The following GFOD1 variants were observed in gnomAD, a reference collection of about 807,000 sequenced individuals.
GFOD1 encodes the protein Gfo/Idh/MocA-like oxidoreductase domain containing 1.
A neutral mutation model predicts 25.4 loss-of-function variants in GFOD1; 9 were observed. The observed-to-expected ratio is 0.35, with a 90% confidence interval of 0.21 to 0.62. The LOEUF (loss-of-function observed/expected upper bound fraction) is 0.62. GFOD1 is among the 20% of genes least tolerant of loss of function. The probability of loss-of-function intolerance (pLI) is 0.72; values close to 1 mark genes in which losing one functional copy is unlikely to be tolerated. For synonymous variants in GFOD1, 253 were observed against 245.6 expected (o/e 1.03, Z -0.28); for missense variants, 403 against 556.9 (o/e 0.72, Z 2.78).
At chr6:13,423,690 C>T (rs114933631) in intron 1 of GFOD1, among the ~76,000 whole-genome samples, 3,222 of 152,200 alleles carry the variant, frequency 0.021, 123 homozygotes, top group African/African-American at 0.07. Flanking sequence ...CGGGGGTGGG[C>T]CCACTTTGAT....
At chr6:13,398,059 G>A (rs1419175355) in intron 1 of GFOD1, among the ~76,000 whole-genome samples, 1 of 152,164 alleles carries the variant, frequency 6.6e-6, no homozygotes, top group African/African-American at 2.4e-5. Flanking sequence ...CTGCCGCTGG[G>A]TTTGACTCCA....
intron 1 of GFOD1, among the ~76,000 whole-genome samples, chr6:13,387,417 C>T (rs540277257): frequency 3.9e-5 from 6 of 152,312 alleles, no homozygotes; most frequent in Non-Finnish European, 5.9e-5. Flanking sequence ...AGCTTATCCA[C>T]CATGATCAAG....
At chr6:13,381,653 G>T (rs567729775) in intron 1 of GFOD1, among the ~76,000 whole-genome samples, 35 of 152,334 alleles carry the variant, frequency 2.3e-4, no homozygotes, top group African/African-American at 7.5e-4. Flanking sequence ...TGTGGGAGAT[G>T]TCTAGATGTC....
chr6:13,367,088 A>T (rs1250410584), intron 1 of GFOD1, among the ~76,000 whole-genome samples: 1 of 152,034 alleles, frequency 6.6e-6, no homozygotes, highest in Non-Finnish European at 1.5e-5. Flanking sequence ...AAAATGTTTG[A>T]TATGTTGTAT....
rs5874418 is a variant in GFOD1, at chr6:13,458,757, CAA to C, written c.253+27879_253+27880del. Among the ~76,000 whole-genome samples the C allele has an allele frequency of 1.9e-3, 109 of 57,222 alleles. 1 individual carries two copies. In the East Asian group the frequency reaches 0.066, roughly 35 times the overall value. 37.5% of individuals were successfully genotyped at this position (57,222 alleles called of 152,430 possible). On this transcript the variant is annotated intron_variant, in intron 1 of 1. Transcript: ENST00000379287. ...CAAAAAGACTCCATTTCCCCTTGAG[CAA>C]AAAAAAAAAAAAAAAAAAAAAAAAA...
chr6:13,388,388 C>A (rs1562201488), intron 1 of GFOD1, among the ~76,000 whole-genome samples: 1 of 152,204 alleles, frequency 6.6e-6, no homozygotes, highest in Non-Finnish European at 1.5e-5. Flanking sequence ...GTAACCAAAA[C>A]AGCATGGTAT....
intron 1 of GFOD1, among the ~76,000 whole-genome samples, chr6:13,420,184 C>A (rs1188758976): frequency 1.3e-5 from 2 of 152,186 alleles, no homozygotes; most frequent in African/African-American, 4.8e-5. Context: ...TCGTGGAAAA[C>A]CCAAAGCCAG....
chr6:13,486,845 C>T lies in GFOD1; in HGVS notation c.46G>A (p.Val16Ile), dbSNP rs751477937. The T allele has an allele frequency of 1.2e-6, 2 of 1,613,330 alleles. No individual in the cohort carries two copies. The highest frequency in any genetic ancestry group is 1.1e-5 in the South Asian group (1 of 91,078). ...GVFGTSLTAR[V>I]IIPLLKDEGF... ...TCGTCTTTCAGCAGCGGGATGATGA[C>T]ACGGGCCGTGAGGCTGGTGCCGAAC... Residue 16 changes from valine (V) to isoleucine (I), a missense_variant, in exon 1 of 2, where the codon GTC (valine) becomes ATC (isoleucine). Physicochemically the swap from Val to Ile is conservative, Grantham distance 29 (BLOSUM62 3). Coordinates refer to ENST00000379287, the MANE Select transcript of GFOD1 (RefSeq NM_018988.4).
At chr6:13,395,100 C>G (rs1290223047) in intron 1 of GFOD1, among the ~76,000 whole-genome samples, 3 of 152,070 alleles carry the variant, frequency 2.0e-5, no homozygotes, top group Non-Finnish European at 2.9e-5. Context: ...TTTCTTTTTT[C>G]TCGTAGAGAC....
chr6:13,423,830 A>C (rs1164958203), intron 1 of GFOD1, among the ~76,000 whole-genome samples: 1 of 152,140 alleles, frequency 6.6e-6, no homozygotes. Context: ...CATCCTCAGC[A>C]GATGGTCATT....
intron 1 of GFOD1, among the ~76,000 whole-genome samples, chr6:13,457,557 C>G (rs9357738): frequency 0.15 from 23,465 of 152,198 alleles, 2,049 homozygotes; most frequent in South Asian, 0.26. Context: ...GCGACTAGAA[C>G]GTGGTCGGAT....
chr6:13,421,796 C>T (rs942904781), intron 1 of GFOD1, among the ~76,000 whole-genome samples: 2 of 152,156 alleles, frequency 1.3e-5, no homozygotes, highest in African/African-American at 2.4e-5. Context: ...AAGATCAGGC[C>T]GGAAGCTCAT....
At chr6:13,393,705 GT>G (rs1259234382) in intron 1 of GFOD1, among the ~76,000 whole-genome samples, 1 of 151,380 alleles carries the variant, frequency 6.6e-6, no homozygotes, top group African/African-American at 2.4e-5. Flanking sequence ...CAGAGAGGGA[GT>G]TGTTACCTAT....
intron 1 of GFOD1, among the ~76,000 whole-genome samples, chr6:13,400,557 C>T (rs146550831): frequency 5.5e-4 from 84 of 152,342 alleles, no homozygotes; most frequent in African/African-American, 1.9e-3. Context: ...CCTTTTTGAA[C>T]AATTTAATTT....
chr6:13,435,235 C>G (rs1311543924), intron 1 of GFOD1, among the ~76,000 whole-genome samples: 1 of 152,082 alleles, frequency 6.6e-6, no homozygotes, highest in African/African-American at 2.4e-5. Flanking sequence ...GTGTCTTTGA[C>G]CTGTAAAATA....
chr6:13,397,912 T>A (rs513613), intron 1 of GFOD1, among the ~76,000 whole-genome samples: 98,659 of 152,104 alleles, frequency 0.65, 33,027 homozygotes, highest in South Asian at 0.74. Context: ...AAAAGAAGAC[T>A]TTTCCGACTA....
At chr6:13,464,861 CGTGTGTGT>C (rs36218477) in intron 1 of GFOD1, among the ~76,000 whole-genome samples, 1,552 of 146,842 alleles carry the variant, frequency 0.011, 25 homozygotes, top group African/African-American at 0.033. Flanking sequence ...TTCCTCTTTC[CGTGTGTGT>C]GTGTGTGTGT....
intron 1 of GFOD1, among the ~76,000 whole-genome samples, chr6:13,443,448 C>T (rs565258517): frequency 6.6e-6 from 1 of 150,920 alleles, no homozygotes; most frequent in East Asian, 2.0e-4. Context: ...CAAACAGTAT[C>T]ACATGATATT....
At position 13,362,390 on chromosome 6, in the gene GFOD1, A is replaced by T. The variant is rs1396110949; in HGVS notation, c.*2353T>A. 6.7e-6 allele frequency: 1 copy of T among 148,236 alleles called. No individual in the cohort carries two copies. Among genetic ancestry groups the T allele is most frequent in the African/African-American group, 2.5e-5 (1 of 40,366 alleles). 9.2% of individuals were successfully genotyped at this position (148,236 alleles called of 1,614,324 possible). A position where few individuals can be genotyped will look rare whatever the true frequency, so the allele number is the denominator to read the frequency against. ...GACAGGAGAATCGCTTGAACCTGGG[A>T]GGCAGAGGTTGCAGTGAGCTGAGAT... On this transcript the variant is annotated 3_prime_UTR_variant, in exon 2 of 2. Coordinates refer to ENST00000379287, the MANE Select transcript of GFOD1 (RefSeq NM_018988.4).
Sources: gnomAD v4.1 joint callset for allele counts (sites outside exome capture counted in the v4.1 genomes callset) on GRCh38, gnomAD v4.1.1 for gene constraint, MANE v1.5 for transcripts, NCBI Gene and HGNC (gene_info 2026-07-23, HGNC 2026-07-21) for gene names.